Variants in ZNF648 observed in about 807,000 individuals in gnomAD.
The protein encoded by ZNF648 is zinc finger protein 648.
ZNF648 carries 1 observed loss-of-function variant against 0.3 expected under a neutral mutation model. That is an observed-to-expected ratio of 3.90 (90% CI 1.39 to 18.51). The LOEUF (loss-of-function observed/expected upper bound fraction) is 18.51, where lower values mean the gene tolerates loss of function less well. ZNF648 is among the 30% of genes most tolerant of loss of function. The pLI is 0.11. For synonymous variants in ZNF648, 376 were observed against 326.8 expected (o/e 1.15, Z -1.62); for missense variants, 874 against 769.7 (o/e 1.14, Z -1.60).
In ZNF648 at chr1:182,057,187, G is replaced by A. The variant is rs978184130; in HGVS notation, c.824C>T (p.Ala275Val). 1 of 1,577,348 alleles carries A rather than the reference G, an allele frequency of 6.3e-7. No individual in the cohort carries two copies. Among genetic ancestry groups the A allele is most frequent in the Non-Finnish European group, 8.6e-7 (1 of 1,167,672 alleles). Residue 275 changes from alanine (A) to valine (V), a missense_variant, in exon 2 of 2, where the codon GCC (alanine) becomes GTC (valine). Transcript: ENST00000339948. ...TAGCTCGCACGCGTAGCGCTTGGCG[G>A]CGCCGCCGCGCGTCTCCGCGGGGCT... Reference protein sequence around the residue: ...PLSPAETRGGAAKRYACELCG... With the variant: ...PLSPAETRGGVAKRYACELCG...
At chr1:182,063,248 T>A (rs114098391), upstream of ZNF648, 1 of 152,224 alleles carries the variant, frequency 6.6e-6, no homozygotes, top group Non-Finnish European at 1.5e-5. Context: ...CAAATGGTAT[T>A]TCTGGTTCTA....
chr1:182,060,435 G>T (rs988787221), intron 1 of ZNF648, among the ~76,000 whole-genome samples: 7 of 152,308 alleles, frequency 4.6e-5, no homozygotes, highest in Admixed American at 3.9e-4. Flanking sequence ...GTTACCCTGT[G>T]TGTATGAAGA....
Position 182,058,826 on chromosome 1 carries a change from TG to T in ZNF648, c.-63-754del, listed in dbSNP as rs376208004. 5.3e-4 allele frequency among the ~76,000 whole-genome samples: 81 copies of T among 152,286 alleles called. 1 individual carries two copies. Among genetic ancestry groups the T allele is most frequent in the Middle Eastern group, 3.4e-3 (1 of 294 alleles). On this transcript the variant is annotated intron_variant, in intron 1 of 1. Transcript: ENST00000339948. ...GAGTTTACATTTTATGTCTCATTTT[TG>T]TTTTTGTTTTTAATTGAGTCGGAGT...
Position 182,054,848 on chromosome 1 carries a change from ACTATCTAG to A in ZNF648, c.*1448_*1455del, listed in dbSNP as rs374821145. On this transcript the variant is annotated 3_prime_UTR_variant, in exon 2 of 2. Coordinates refer to ENST00000339948, the MANE Select transcript of ZNF648 (RefSeq NM_001009992.1). ...TTACCTTGGTCAAACAAGACACAAGACTATCTAGCTATCTAGCTATCTAGCTATCTCTC... is the reference window on the plus strand; with the variant it reads ...TTACCTTGGTCAAACAAGACACAAGACTATCTAGCTATCTAGCTATCTCTC... The A allele has an allele frequency of 7.1e-4, 108 of 152,348 alleles. 2 individuals are homozygous for A. Among genetic ancestry groups the A allele is most frequent in the African/African-American group, 2.3e-3 (96 of 41,572 alleles). 9.4% of individuals were successfully genotyped at this position (152,348 alleles called of 1,614,324 possible). A position where few individuals can be genotyped will look rare whatever the true frequency, so the allele number is the denominator to read the frequency against.
intron 1 of ZNF648, 84 bp from the exon 2 acceptor site, chr1:182,058,157 T>C: frequency 1.1e-6 from 1 of 945,462 alleles, no homozygotes; most frequent in South Asian, 1.8e-5. Flanking sequence ...GTTCCCACTA[T>C]AGCTCTGTTT....
upstream of ZNF648, chr1:182,062,663 C>T (rs1666046666): frequency 6.6e-6 from 1 of 152,096 alleles, no homozygotes; most frequent in Non-Finnish European, 1.5e-5. Context: ...AGCAAGTACC[C>T]AAAAACGTTA....
chr1:182,058,721 C>T (rs2101920884), intron 1 of ZNF648, among the ~76,000 whole-genome samples: 2 of 152,346 alleles, frequency 1.3e-5, no homozygotes, highest in Middle Eastern at 3.4e-3. Flanking sequence ...GAAGGCTACC[C>T]ATAAGCACCC....
Position 182,056,815 on chromosome 1 carries a change from C to T in ZNF648, c.1196G>A (p.Arg399Gln), listed in dbSNP as rs1308647382. 1 of 1,549,174 alleles carries T rather than the reference C, an allele frequency of 6.5e-7. No individual in the cohort carries two copies. Residue 399 changes from arginine (R) to glutamine (Q), a missense_variant, in exon 2 of 2, where the codon CGG (arginine) becomes CAG (glutamine). Coordinates refer to ENST00000339948, the MANE Select transcript of ZNF648 (RefSeq NM_001009992.1). ...AKPFRCPACD[R>Q]EFAVASRMVE... ...CATGCGGCTGGCCACAGCGAACTCC[C>T]GGTCGCAGGCGGGGCAGCGGAAGGG...
chr1:182,063,349 A>G (rs532532732), upstream of ZNF648: 1 of 152,344 alleles, frequency 6.6e-6, no homozygotes, highest in South Asian at 2.1e-4. Context: ...ATTTCTTCGC[A>G]ACCTCGCCAG....
the ZNF648 span, among the ~76,000 whole-genome samples, chr1:182,067,406 T>G: frequency 6.6e-6 from 1 of 152,144 alleles, no homozygotes; most frequent in African/African-American, 2.4e-5. Context: ...GGGGTTTAAA[T>G]GAGATGATGT....
In ZNF648 at chr1:182,057,883, G is replaced by A. The variant is rs763152829; in HGVS notation, c.128C>T (p.Ala43Val). The A allele has an allele frequency of 1.2e-6, 2 of 1,614,020 alleles. No individual in the cohort carries two copies. Among genetic ancestry groups the A allele is most frequent in the Non-Finnish European group, 1.7e-6 (2 of 1,180,004 alleles). ...CGGGTCAGCGGTGCCCTCTTTTTCGGCCTCCCCACCATCTTCATCGTCACT... is the reference window on the plus strand; with the variant it reads ...CGGGTCAGCGGTGCCCTCTTTTTCGACCTCCCCACCATCTTCATCGTCACT... Reference protein sequence around the residue: ...LESDDEDGGEAEKEGTADPVA... With the variant: ...LESDDEDGGEVEKEGTADPVA... Residue 43 changes from alanine to valine, a missense_variant, in exon 2 of 2, where the codon GCC (alanine) becomes GTC (valine). Transcript: ENST00000339948.
At chr1:182,061,254 G>T (rs1409964658) in intron 1 of ZNF648, among the ~76,000 whole-genome samples, 2 of 152,204 alleles carry the variant, frequency 1.3e-5, no homozygotes, top group Non-Finnish European at 2.9e-5. Context: ...GGTATGGCGG[G>T]CCTCTCTGCT....
rs1187188133 is a variant in ZNF648, at chr1:182,057,397, T to A, written c.614A>T (p.Glu205Val). The A allele has an allele frequency of 6.2e-6, 10 of 1,613,756 alleles. No homozygotes were observed. In the Admixed American group the frequency reaches 1.7e-4, roughly 27 times the overall value. Residue 205 changes from glutamate to valine, a missense_variant, in exon 2 of 2, where the codon GAG becomes GTG. Transcript: ENST00000339948. ...PGSNWDLPTQ[E>V]THTPAQASAT... The stretch of plus-strand genomic sequence containing the variant: ...CGACGCCTGGGCTGGTGTATGTGTC[T>A]CTTGCGTGGGAAGGTCCCAGTTGCT...
Position 182,057,338 on chromosome 1 carries a change from C to G in ZNF648, c.673G>C (p.Ala225Pro). 22 of 1,609,534 alleles carry G rather than the reference C, an allele frequency of 1.4e-5. No individual in the cohort carries two copies. Among genetic ancestry groups the G allele is most frequent in the Non-Finnish European group, 1.8e-5 (21 of 1,179,640 alleles). The change falls in exon 2 of 2, where the codon GCA becomes CCA. Residue 225 changes from alanine (A) to proline (P), a missense_variant. By Grantham distance (27) the Ala-to-Pro change is conservative. Transcript: ENST00000339948. ...TPASLAAAVL[A>P]KARNSRKVQN... ...ACTTTCCTGCTGTTCCGCGCTTTTGCCAGGACCGCGGCAGCCAGGCTGGCT... is the reference window on the plus strand; with the variant it reads ...ACTTTCCTGCTGTTCCGCGCTTTTGGCAGGACCGCGGCAGCCAGGCTGGCT...
intron 1 of ZNF648, among the ~76,000 whole-genome samples, chr1:182,058,856 G>T (rs1472450444): frequency 6.6e-6 from 1 of 152,004 alleles, no homozygotes; most frequent in East Asian, 1.9e-4. Flanking sequence ...TCGGAGTCTC[G>T]CTCTGTCACC....
chr1:182,055,884 A>G lies in ZNF648; in HGVS notation c.*420T>C, dbSNP rs766795857. On this transcript the variant is annotated 3_prime_UTR_variant, in exon 2 of 2. Transcript: ENST00000339948. The surrounding 1 kb of genome is among the most constrained non-coding windows in gnomAD (Gnocchi z 4.1). ...AAAGCATCTTTCTCTAAAGAGGACCAGCCCCTCAGGCCTTCTTTTCAGTAT... is the reference window on the plus strand; with the variant it reads ...AAAGCATCTTTCTCTAAAGAGGACCGGCCCCTCAGGCCTTCTTTTCAGTAT... 9.5e-5 allele frequency: 16 copies of G among 168,012 alleles called. No homozygotes were observed. Among genetic ancestry groups the G allele is most frequent in the Non-Finnish European group, 1.8e-4 (14 of 77,246 alleles). The allele number at this position is 168,012 out of a possible 1,614,324, so 10.4% of individuals were successfully genotyped here.
rs1212219022 is a variant in ZNF648 at position 182,057,332 on chromosome 1, C to CT, written c.678dup (p.Ala227SerfsTer20). 3 of 1,609,074 alleles carry CT rather than the reference C, an allele frequency of 1.9e-6. No individual in the cohort carries two copies. Among genetic ancestry groups the CT allele is most frequent in the South Asian group, 2.2e-5 (2 of 90,952 alleles). On this transcript the variant is annotated frameshift_variant, in exon 2 of 2. Coordinates refer to ENST00000339948, the MANE Select transcript of ZNF648 (RefSeq NM_001009992.1). LOFTEE classifies it low-confidence loss of function (END_TRUNC). ...TTCTGTACTTTCCTGCTGTTCCGCGCTTTTGCCAGGACCGCGGCAGCCAGG... is the reference window on the plus strand; with the variant it reads ...TTCTGTACTTTCCTGCTGTTCCGCGCTTTTTGCCAGGACCGCGGCAGCCAGG...
At chr1:182,063,074 T>C (rs1056794227), upstream of ZNF648, 1 of 152,246 alleles carries the variant, frequency 6.6e-6, no homozygotes, top group Non-Finnish European at 1.5e-5. Context: ...CCATGGTGTA[T>C]ATATACCACA....
Position 182,058,015 on chromosome 1 carries a change from T to C in ZNF648, c.-5A>G. ...CTGGGAGTCCACTTGTGCCATGATG[T>C]TCAGGCGCTTCTATTGCCTACTCCT... On this transcript the variant is annotated 5_prime_UTR_variant, in exon 2 of 2. Coordinates refer to ENST00000339948, the MANE Select transcript of ZNF648 (RefSeq NM_001009992.1). The C allele has an allele frequency of 1.9e-6, 3 of 1,593,204 alleles. No homozygotes were observed. The highest frequency in any genetic ancestry group is 2.6e-6 in the Non-Finnish European group (3 of 1,171,528).
Sources: allele counts gnomAD v4.1 joint callset (sites outside exome capture counted in the v4.1 genomes callset), GRCh38; gene constraint gnomAD v4.1.1; non-coding constraint Gnocchi (gnomAD v3.1); transcripts MANE v1.5; gene names NCBI Gene and HGNC (gene_info 2026-07-23, HGNC 2026-07-21).